UTRN: variants seen among roughly 807,000 people sequenced by gnomAD.
The protein encoded by UTRN is utrophin.
Under a neutral mutation model 463.9 loss-of-function variants are expected in UTRN, and 283 were observed. The ratio of observed to expected loss-of-function variants is 0.61; its 90% CI spans 0.55 to 0.67. The LOEUF (loss-of-function observed/expected upper bound fraction) is 0.67, where lower values mean the gene tolerates loss of function less well. UTRN is among the 30% of genes least tolerant of loss of function. The pLI is 0.00. For synonymous variants in UTRN, 1,442 were observed against 1,431.5 expected, an observed-to-expected ratio of 1.01 and a Z score of -0.17; for missense variants, 3,922 against 4,084.3, an observed-to-expected ratio of 0.96 and a Z score of 1.08.
chr6:144,561,918 G>C (rs1799964633), intron 50 of UTRN, among the ~76,000 whole-genome samples: 1 of 152,078 alleles, frequency 6.6e-6, no homozygotes, highest in Non-Finnish European at 1.5e-5. Context: ...ATTAGCAGAA[G>C]GTTGAGTCAT....
Position 144,291,763 on chromosome 6 carries a change from A to G in UTRN, c.-66A>G, listed in dbSNP as rs1359779176. On this transcript the variant is annotated 5_prime_UTR_variant, in exon 2 of 75. Coordinates refer to ENST00000367545, the MANE Select transcript of UTRN (RefSeq NM_007124.3). ...TATTGATGTCAAGCTGAACCATCGT[A>G]GGAAGTTGAAAGCCTTAGAAAGAGG... The G allele has an allele frequency of 6.9e-7, 1 of 1,450,220 alleles. No homozygotes were observed. Among genetic ancestry groups the G allele is most frequent in the East Asian group, 2.3e-5 (1 of 42,760 alleles). The allele number at this position is 1,450,220 out of a possible 1,614,324, so 89.8% of individuals were successfully genotyped here.
chr6:144,295,251 C>G (rs146491031), intron 2 of UTRN, among the ~76,000 whole-genome samples: 1 of 152,176 alleles, frequency 6.6e-6, no homozygotes, highest in Admixed American at 6.5e-5. Context: ...CATATACAAT[C>G]GAAGAATATC....
chr6:144,410,806 GTGTGTGTGTGTGTGTA>G (rs1783829188), intron 3 of UTRN, among the ~76,000 whole-genome samples: 1 of 130,498 alleles, frequency 7.7e-6, no homozygotes, highest in African/African-American at 3.0e-5. Context: ...ATGTGTGTGT[GTGTGTGTGTGTGTGTA>G]TATACACACC....
chr6:144,835,167 A>G (rs958809925), intron 69 of UTRN, among the ~76,000 whole-genome samples: 4 of 152,262 alleles, frequency 2.6e-5, no homozygotes, highest in East Asian at 3.8e-4. Context: ...AGGTAGTTAG[A>G]TAAGTGGGAG....
At chr6:144,676,494 T>C (rs1440210405) in intron 51 of UTRN, among the ~76,000 whole-genome samples, 3 of 152,112 alleles carry the variant, frequency 2.0e-5, no homozygotes, top group Non-Finnish European at 2.9e-5. Flanking sequence ...TTCTATGCTT[T>C]TGGAAGTATT....
At position 144,732,217 on chromosome 6, in the gene UTRN, TATATATATATATATATATATAC is replaced by T. The variant is rs201352526; in HGVS notation, c.7939+1751_7939+1772del. The stretch of plus-strand genomic sequence containing the variant: ...TATTCCTTTTGAGTACTCTGTTTTA[TATATATATATATATATATATAC>T]ATATATATATATATATATACACACA... On this transcript the variant is annotated intron_variant, in intron 54 of 74. Transcript: ENST00000367545. Among the ~76,000 whole-genome samples, 139 of 36,778 alleles carry T rather than the reference TATATATATATATATATATATAC, an allele frequency of 3.8e-3. 1 individual carries two copies. Among genetic ancestry groups the T allele is most frequent in the African/African-American group, 0.021 (128 of 6,104 alleles). 24.1% of individuals were successfully genotyped at this position (36,778 alleles called of 152,430 possible).
chr6:144,311,790 G>A (rs1806289561), intron 2 of UTRN: 1 of 152,206 alleles, frequency 6.6e-6, no homozygotes, highest in African/African-American at 2.4e-5. Context: ...CAATATTGCT[G>A]TTGGGGTTAT....
chr6:144,461,589 C>G (rs1029712452), intron 22 of UTRN, among the ~76,000 whole-genome samples: 50 of 152,188 alleles, frequency 3.3e-4, no homozygotes, highest in Admixed American at 3.3e-3. Context: ...AATTCTCAAC[C>G]TGTTCATAAA....
intron 2 of UTRN, among the ~76,000 whole-genome samples, chr6:144,349,851 CTGGT>C (rs1462927960): frequency 6.6e-6 from 1 of 152,114 alleles, no homozygotes; most frequent in Non-Finnish European, 1.5e-5. Context: ...ATTCAGGGGA[CTGGT>C]GTGGGGTTAG....
At chr6:144,816,760 T>A (rs1352733171) in intron 65 of UTRN, among the ~76,000 whole-genome samples, 2 of 151,238 alleles carry the variant, frequency 1.3e-5, no homozygotes, top group Non-Finnish European at 2.9e-5. Context: ...AATTTTTTTT[T>A]ATAGAGATGG....
chr6:144,686,545 TA>T (rs1287839402), intron 52 of UTRN, among the ~76,000 whole-genome samples: 17 of 152,244 alleles, frequency 1.1e-4, no homozygotes, highest in East Asian at 5.8e-4. Flanking sequence ...GGCCTAGTAG[TA>T]ATTGCTTTCT....
At chr6:144,537,852 G>T in intron 44 of UTRN, 135 bp downstream of exon 44, 1 of 1,259,850 alleles carries the variant, frequency 7.9e-7, no homozygotes, top group Non-Finnish European at 1.1e-6. Context: ...CCTGAAAGAG[G>T]AATATCTTTT....
At chr6:144,593,919 C>T (rs1803375705) in intron 51 of UTRN, among the ~76,000 whole-genome samples, 1 of 151,936 alleles carries the variant, frequency 6.6e-6, no homozygotes, top group South Asian at 2.1e-4. Context: ...AAAAGGAATT[C>T]TAAAAAAGAA....
chr6:144,369,691 C>T (rs1361645388), intron 2 of UTRN, among the ~76,000 whole-genome samples: 1 of 152,184 alleles, frequency 6.6e-6, no homozygotes, highest in Non-Finnish European at 1.5e-5. Context: ...TGGTTGTGTC[C>T]CCACACAAAT....
At position 144,551,055 on chromosome 6, in the gene UTRN, G is replaced by C; in HGVS notation, c.6901G>C (p.Asp2301His). 6.2e-7 allele frequency: 1 copy of C among 1,603,942 alleles called. No individual in the cohort carries two copies. The highest frequency in any genetic ancestry group is 8.5e-7 in the Non-Finnish European group (1 of 1,177,564). Residue 2301 changes from aspartate to histidine, a missense_variant, in exon 48 of 75, where the codon GAT (aspartate) becomes CAT (histidine). Physicochemically the swap from Asp to His is moderately conservative, Grantham distance 81 (BLOSUM62 -1). Coordinates refer to ENST00000367545, the MANE Select transcript of UTRN (RefSeq NM_007124.3). ...TTTGAAAAATAAAGCTTCCAGTTCA[G>C]ATATGAGAACAGCAATTACAGAAAA... ...QNLKNKASSS[D>H]MRTAITEKLE...
At chr6:144,465,363 G>C (rs1789843850) in intron 23 of UTRN, among the ~76,000 whole-genome samples, 1 of 152,174 alleles carries the variant, frequency 6.6e-6, no homozygotes, top group Non-Finnish European at 1.5e-5. Context: ...TTAAGCTTTG[G>C]TGGGTTGTTG....
intron 73 of UTRN, among the ~76,000 whole-genome samples, chr6:144,846,215 A>G (rs1283128342): frequency 6.6e-6 from 1 of 152,186 alleles, no homozygotes; most frequent in South Asian, 2.1e-4. Flanking sequence ...TGGAAAGGAG[A>G]ATTAGATGCC....
At chr6:144,646,925 TG>T (rs1386173428) in intron 51 of UTRN, among the ~76,000 whole-genome samples, 2 of 152,312 alleles carry the variant, frequency 1.3e-5, no homozygotes, top group African/African-American at 4.8e-5. Flanking sequence ...AACCAGTGTG[TG>T]AGTTACTCAA....
chr6:144,658,036 T>A (rs537697905), intron 51 of UTRN, among the ~76,000 whole-genome samples: 1 of 152,352 alleles, frequency 6.6e-6, no homozygotes, highest in East Asian at 1.9e-4. Flanking sequence ...ACTTTCTCTG[T>A]AAGTTTCTTC....
Sources: allele counts gnomAD v4.1 joint callset (sites outside exome capture counted in the v4.1 genomes callset), GRCh38; gene constraint gnomAD v4.1.1; transcripts MANE v1.5; gene names NCBI Gene and HGNC (gene_info 2026-07-23, HGNC 2026-07-21).